DENND2A: variants seen among roughly 807,000 people sequenced by gnomAD.
DENND2A encodes the protein DENN domain containing 2A.
A neutral mutation model predicts 105.3 loss-of-function variants in DENND2A; 53 were observed. That is an observed-to-expected ratio of 0.50 (90% confidence interval 0.40 to 0.63). DENND2A has a LOEUF of 0.63. Among genes scored for constraint, DENND2A ranks in the 30% least tolerant of loss-of-function variants. The pLI, the probability that DENND2A is intolerant of heterozygous loss-of-function variation, is 0.00. For missense variants in DENND2A, 1,138 were observed against 1,279.6 expected (o/e 0.89, Z 1.69); for synonymous variants, 522 against 508.4 (o/e 1.03, Z -0.36).
intron 14 of DENND2A, among the ~76,000 whole-genome samples, chr7:140,540,311 C>T (rs973762834): frequency 2.0e-5 from 3 of 152,250 alleles, no homozygotes; most frequent in Admixed American, 1.3e-4. Flanking sequence ...ACAACGTGCC[C>T]GTGGGGAGAC....
At chr7:140,587,863 C>A in intron 3 of DENND2A, 83 bp from the exon 4 acceptor site, 1 of 1,314,482 alleles carries the variant, frequency 7.6e-7, no homozygotes, top group South Asian at 2.0e-5. Context: ...TATATCCCCT[C>A]GGCCAAATTT....
At chr7:140,557,527 ATATATT>A (rs1797417675) in intron 11 of DENND2A, among the ~76,000 whole-genome samples, 2 of 33,174 alleles carry the variant, frequency 6.0e-5, no homozygotes, top group African/African-American at 1.4e-4. Flanking sequence ...ATATATATAT[ATATATT>A]TTTTTTTTTT....
At chr7:140,542,027 C>T (rs997325812) in intron 14 of DENND2A, among the ~76,000 whole-genome samples, 16 of 152,078 alleles carry the variant, frequency 1.1e-4, no homozygotes, top group African/African-American at 3.9e-4. Context: ...AGTCAGATTT[C>T]CTCTCCAAAC....
intron 6 of DENND2A, 39 bp from the exon 7 acceptor site, chr7:140,569,777 C>A: frequency 7.0e-7 from 1 of 1,432,914 alleles, no homozygotes; most frequent in Non-Finnish European, 9.8e-7. Flanking sequence ...GTGTTAGCAG[C>A]CCACTCTCTG....
At chr7:140,577,258 T>A (rs764189090) in intron 5 of DENND2A, among the ~76,000 whole-genome samples, 18 of 152,136 alleles carry the variant, frequency 1.2e-4, no homozygotes, top group Non-Finnish European at 2.5e-4. Context: ...GTAAATTAGA[T>A]CAAAAGAGTC....
In DENND2A at chr7:140,586,481, C is replaced by T. The variant is rs375953511; in HGVS notation, c.1124-771G>A. On this transcript the variant is annotated intron_variant, in intron 4 of 19. Coordinates refer to ENST00000496613, the MANE Select transcript of DENND2A (RefSeq NM_015689.5). The stretch of plus-strand genomic sequence containing the variant: ...GGCTGAGGCAGGAGAATTGCATGAA[C>T]CTGGGAGGCGGAGGCTGCAGTGAGT... Among the ~76,000 whole-genome samples, 4 of 151,894 alleles carry T rather than the reference C, an allele frequency of 2.6e-5. No homozygotes were observed. In the East Asian group the frequency reaches 5.8e-4, roughly 22 times the overall value.
intron 13 of DENND2A, among the ~76,000 whole-genome samples, 185 bp downstream of exon 13, chr7:140,546,614 G>C (rs1796918940): frequency 6.6e-6 from 1 of 152,192 alleles, no homozygotes. Flanking sequence ...GCCGCATTGG[G>C]CAGAGTCCTA....
rs1202630699 is a variant in DENND2A, at chr7:140,640,129, A to G, written c.-248+375T>C. 1 of 152,378 alleles carries G rather than the reference A, an allele frequency of 6.6e-6. No individual in the cohort carries two copies. Among genetic ancestry groups the G allele is most frequent in the Non-Finnish European group, 1.5e-5 (1 of 68,472 alleles). The allele number at this position is 152,378 out of a possible 1,614,324, so 9.4% of individuals were successfully genotyped here. ...CACTCACACACACTCGCACAGACACACTCACACACAGACACACAAGCGCGC... is the reference window on the plus strand; with the variant it reads ...CACTCACACACACTCGCACAGACACGCTCACACACAGACACACAAGCGCGC... On this transcript the variant is annotated intron_variant, in intron 1 of 19. Coordinates refer to ENST00000496613, the MANE Select transcript of DENND2A (RefSeq NM_015689.5). This position sits in a 1 kb window ranked among gnomAD's most constrained non-coding sequence, Gnocchi z 4.9.
intron 5 of DENND2A, among the ~76,000 whole-genome samples, chr7:140,584,837 T>C (rs1034877852): frequency 5.3e-5 from 8 of 152,210 alleles, no homozygotes; most frequent in Admixed American, 4.6e-4. Flanking sequence ...TATATATGCA[T>C]GTTATTTCAT....
intron 5 of DENND2A, among the ~76,000 whole-genome samples, chr7:140,584,028 G>A (rs1028868480): frequency 2.0e-5 from 3 of 148,578 alleles, no homozygotes; most frequent in Non-Finnish European, 4.4e-5. Flanking sequence ...GATCACTTGA[G>A]GTCAGGAGTT....
intron 3 of DENND2A, among the ~76,000 whole-genome samples, chr7:140,594,549 TCACAG>T (rs1470877689): frequency 2.6e-5 from 4 of 152,206 alleles, no homozygotes; most frequent in Non-Finnish European, 5.9e-5. Context: ...CCAGGATTCC[TCACAG>T]CACTGACAGG....
chr7:140,632,479 C>T (rs1203792795), intron 1 of DENND2A, among the ~76,000 whole-genome samples: 1 of 152,186 alleles, frequency 6.6e-6, no homozygotes, highest in African/African-American at 2.4e-5. Context: ...CAACTCTCAG[C>T]CTTTACCAGC....
At chr7:140,519,520 G>A (rs1256079800) in intron 19 of DENND2A, 112 bp downstream of exon 19, 22 of 867,452 alleles carry the variant, frequency 2.5e-5, no homozygotes, top group East Asian at 9.8e-5. Flanking sequence ...AGCGCAGGCC[G>A]TAGAGCTCTG....
intron 14 of DENND2A, among the ~76,000 whole-genome samples, chr7:140,529,470 A>G (rs1022760057): frequency 2.0e-5 from 3 of 152,248 alleles, no homozygotes; most frequent in African/African-American, 7.2e-5. Flanking sequence ...ATTGTAAATC[A>G]TGCTGCTATA....
At chr7:140,569,774 C>T in intron 6 of DENND2A, 36 bp from the exon 7 acceptor site, 1 of 1,444,740 alleles carries the variant, frequency 6.9e-7, no homozygotes. Context: ...CCAGTGTTAG[C>T]AGCCCACTCT....
At chr7:140,563,744 T>G in intron 9 of DENND2A, among the ~76,000 whole-genome samples, 1 of 115,972 alleles carries the variant, frequency 8.6e-6, no homozygotes, top group African/African-American at 3.4e-5. Context: ...AAGGCCGAGG[T>G]AGGGAGATCG....
At chr7:140,581,295 G>A (rs879386258) in intron 5 of DENND2A, among the ~76,000 whole-genome samples, 7 of 152,070 alleles carry the variant, frequency 4.6e-5, no homozygotes, top group Admixed American at 2.6e-4. Flanking sequence ...TGGGTGATGC[G>A]TAGCAAGAAA....
chr7:140,631,571 C>T (rs1800734074), intron 1 of DENND2A, among the ~76,000 whole-genome samples: 1 of 152,112 alleles, frequency 6.6e-6, no homozygotes, highest in South Asian at 2.1e-4. Context: ...TTTTTCCACC[C>T]TATTAGATGC....
At chr7:140,608,534 G>C (rs1799774692) in intron 1 of DENND2A, among the ~76,000 whole-genome samples, 1 of 151,938 alleles carries the variant, frequency 6.6e-6, no homozygotes, top group Admixed American at 6.6e-5. Context: ...AAATTAACCG[G>C]GTGTGCTGGT....
Sources: allele counts gnomAD v4.1 joint callset (sites outside exome capture counted in the v4.1 genomes callset), GRCh38; gene constraint gnomAD v4.1.1; non-coding constraint Gnocchi (gnomAD v3.1); transcripts MANE v1.5; gene names NCBI Gene and HGNC (gene_info 2026-07-23, HGNC 2026-07-21).